The following ANTXRL variants were observed in gnomAD, a reference collection of about 807,000 sequenced individuals.
ANTXRL encodes the protein ANTXR like.
A neutral mutation model predicts 75.4 loss-of-function variants in ANTXRL; 63 were observed. That is an observed-to-expected ratio of 0.84 (90% CI 0.68 to 1.03). The LOEUF (loss-of-function observed/expected upper bound fraction) is 1.03. Among genes scored for constraint, ANTXRL ranks in the 50% least tolerant of loss-of-function variants. The pLI is 0.00. For synonymous variants in ANTXRL, 335 were observed against 291.3 expected, an observed-to-expected ratio of 1.15 and a Z score of -1.53; for missense variants, 797 against 789.4, an observed-to-expected ratio of 1.01 and a Z score of -0.12.
chr10:46,307,562 C>G (rs1164203062), intron 12 of ANTXRL, 82 bp downstream of exon 12: 10 of 1,301,506 alleles, frequency 7.7e-6, no homozygotes, highest in Non-Finnish European at 1.1e-5. Context: ...AAAGGCAGAC[C>G]GTTCCCAGGC....
chr10:46,310,524 A>G, intron 14 of ANTXRL, 25 bp downstream of exon 14: 2 of 1,535,284 alleles, frequency 1.3e-6, no homozygotes, highest in Non-Finnish European at 1.7e-6. Context: ...TGGTCCCGAT[A>G]TTGTCACATC....
intron 16 of ANTXRL, among the ~76,000 whole-genome samples, chr10:46,325,278 A>G (rs1466907614): frequency 6.6e-6 from 1 of 152,152 alleles, no homozygotes; most frequent in South Asian, 2.1e-4. Context: ...ACAAAAGTCA[A>G]CAATCTCCTT....
At chr10:46,292,255 A>G in intron 2 of ANTXRL, 126 bp downstream of exon 2, 1 of 874,042 alleles carries the variant, frequency 1.1e-6, no homozygotes, top group Non-Finnish European at 1.8e-6. Flanking sequence ...CACAGAGCAC[A>G]AGGTGGCATT....
chr10:46,318,407 G>A (rs1554965026), intron 16 of ANTXRL, among the ~76,000 whole-genome samples: 1 of 152,058 alleles, frequency 6.6e-6, no homozygotes, highest in East Asian at 1.9e-4. Flanking sequence ...AGAGCACAAT[G>A]TCAACTTTTC....
intron 16 of ANTXRL, among the ~76,000 whole-genome samples, chr10:46,313,831 G>T (rs1838572020): frequency 1.3e-5 from 2 of 152,180 alleles, no homozygotes; most frequent in African/African-American, 2.4e-5. Flanking sequence ...GGGGACAAAA[G>T]TGCTGAGATA....
intron 16 of ANTXRL, among the ~76,000 whole-genome samples, chr10:46,323,950 A>G (rs1013185786): frequency 6.6e-6 from 1 of 152,170 alleles, no homozygotes; most frequent in Non-Finnish European, 1.5e-5. Context: ...AAAACCTCTT[A>G]AATGTCTTTT....
At chr10:46,297,943 T>C in intron 8 of ANTXRL, 32 bp downstream of exon 8, 3 of 1,535,814 alleles carry the variant, frequency 2.0e-6, no homozygotes, top group Non-Finnish European at 2.6e-6. Flanking sequence ...GCTGGGGACC[T>C]GGATCCTTTG....
At chr10:46,312,455 G>A (rs2999429) in intron 15 of ANTXRL, among the ~76,000 whole-genome samples, 1,890 of 124,676 alleles carry the variant, frequency 0.015, 40 homozygotes, top group Middle Eastern at 0.035. Context: ...TTGAGGGAGA[G>A]GGACCCCAGA....
intron 14 of ANTXRL, 81 bp downstream of exon 14, chr10:46,310,580 C>T: frequency 2.9e-6 from 4 of 1,387,318 alleles, no homozygotes; most frequent in Non-Finnish European, 3.0e-6. Context: ...GAAGCCTGCG[C>T]CCCATGATCT....
At chr10:46,296,353 C>T in intron 5 of ANTXRL, 101 bp downstream of exon 5, 1 of 1,337,634 alleles carries the variant, frequency 7.5e-7, no homozygotes, top group Non-Finnish European at 1.0e-6. Flanking sequence ...CACACCTGCC[C>T]TGCCTCTTGG....
intron 9 of ANTXRL, among the ~76,000 whole-genome samples, chr10:46,301,192 T>C (rs1340448721): frequency 2.6e-5 from 4 of 152,234 alleles, no homozygotes; most frequent in Non-Finnish European, 5.9e-5. Context: ...GGGCACACAC[T>C]GAGCCTAGTG....
At chr10:46,313,675 G>C (rs1838563282) in intron 16 of ANTXRL, among the ~76,000 whole-genome samples, 1 of 152,102 alleles carries the variant, frequency 6.6e-6, no homozygotes, top group Non-Finnish European at 1.5e-5. Context: ...TATGAATGAA[G>C]ACTAATAATT....
At chr10:46,317,732 C>T (rs1838803712) in intron 16 of ANTXRL, among the ~76,000 whole-genome samples, 1 of 152,136 alleles carries the variant, frequency 6.6e-6, no homozygotes, top group South Asian at 2.1e-4. Flanking sequence ...CACACACACA[C>T]ACATTTCTGT....
chr10:46,325,416 G>C (rs1839167060), intron 16 of ANTXRL, among the ~76,000 whole-genome samples: 1 of 152,136 alleles, frequency 6.6e-6, no homozygotes, highest in Non-Finnish European at 1.5e-5. Context: ...CCTGTAACTG[G>C]TGTAATTGGA....
At chr10:46,300,149 C>T (rs1554960139) in intron 9 of ANTXRL, among the ~76,000 whole-genome samples, 1 of 152,204 alleles carries the variant, frequency 6.6e-6, no homozygotes, top group African/African-American at 2.4e-5. Flanking sequence ...CTCTGCCCAC[C>T]AGCTCGGCCT....
chr10:46,329,570 T>C, intron 16 of ANTXRL, 29 bp from the exon 17 acceptor site: 2 of 1,527,242 alleles, frequency 1.3e-6, no homozygotes, highest in South Asian at 2.4e-5. Flanking sequence ...GCCATCACGG[T>C]GACCTTCTCT....
In ANTXRL at chr10:46,329,992, C is replaced by T. The variant is rs1176252295; in HGVS notation, c.1804C>T (p.Pro602Ser). The T allele has an allele frequency of 1.3e-6, 2 of 1,535,442 alleles. No individual in the cohort carries two copies. Among genetic ancestry groups the T allele is most frequent in the Non-Finnish European group, 1.7e-6 (2 of 1,146,624 alleles). Residue 602 changes from proline to serine, a missense_variant, in exon 17 of 17, where the codon CCT (proline) becomes TCT (serine). By Grantham distance (74) the Pro-to-Ser change is moderately conservative. Transcript: ENST00000620264. ...CCTCCCCCCAGCTAGGTGCTTGAGG[C>T]CTCCCTCCAGGATGCTGCCGCTGCT... ...CRLPPARCLR[P>S]PSRMLPLLSP...
chr10:46,324,341 G>A (rs1423226875), intron 16 of ANTXRL, among the ~76,000 whole-genome samples: 5 of 152,200 alleles, frequency 3.3e-5, no homozygotes, highest in African/African-American at 4.8e-5. Flanking sequence ...AGAAGGCTGA[G>A]CAGAGGTCTA....
At chr10:46,314,045 G>A (rs1449492458) in intron 16 of ANTXRL, among the ~76,000 whole-genome samples, 1 of 152,154 alleles carries the variant, frequency 6.6e-6, no homozygotes, top group East Asian at 1.9e-4. Flanking sequence ...CCAGCCCTTT[G>A]CACCTGGAAG....
Sources: gnomAD v4.1 joint callset for allele counts (sites outside exome capture counted in the v4.1 genomes callset) on GRCh38, gnomAD v4.1.1 for gene constraint, MANE v1.5 for transcripts, NCBI Gene and HGNC (gene_info 2026-07-23, HGNC 2026-07-21) for gene names.